Variants in DIRAS3 observed in about 807,000 individuals in gnomAD.
DIRAS3 encodes the protein DIRAS family GTPase 3.
For missense variants in DIRAS3, 248 were observed against 300.6 expected (o/e 0.83, Z 1.29); for synonymous variants, 133 against 131.4 (o/e 1.01, Z -0.08).
rs1645678908 is a variant in DIRAS3, at chr1:68,046,931, T to C, written c.367A>G (p.Thr123Ala). ...TAGAAGGCCTTCAGCTCTTCCAGGG[T>C]TTCCTTCTTGGTGACTGAGTAGACC... ...VLVYSVTKKE[T>A]LEELKAFYEL... The change falls in exon 2 of 2, where the codon ACC becomes GCC. Residue 123 changes from threonine to alanine, a missense_variant. Physicochemically the swap from Thr to Ala is moderately conservative, Grantham distance 58 (BLOSUM62 0). Coordinates refer to ENST00000646789, the MANE Select transcript of DIRAS3 (RefSeq NM_004675.5). 4 of 1,614,176 alleles carry C rather than the reference T, an allele frequency of 2.5e-6. No individual in the cohort carries two copies. The Admixed American group carries it at 5.0e-5, about 20-fold the overall frequency.
At position 68,050,229 on chromosome 1, in the gene DIRAS3, ATTAC is replaced by A. The variant is rs1005229485; in HGVS notation, c.-66+315_-66+318del. On this transcript the variant is annotated intron_variant, in intron 1 of 1. Transcript: ENST00000646789. The surrounding 1 kb of genome is among the most constrained non-coding windows in gnomAD (Gnocchi z 4.5). ...TACTTTCACACTACATGACTCCACTATTACTTCCTGAACACTAGCTACCTACGCA... is the reference window on the plus strand; with the variant it reads ...TACTTTCACACTACATGACTCCACTATTCCTGAACACTAGCTACCTACGCA... Among the ~76,000 whole-genome samples the A allele has an allele frequency of 4.6e-5, 7 of 152,234 alleles. No individual in the cohort carries two copies. The highest frequency in any genetic ancestry group is 1.4e-4 in the African/African-American group (6 of 41,550).
intron 1 of DIRAS3, among the ~76,000 whole-genome samples, chr1:68,048,866 A>G (rs1316833208): frequency 6.6e-6 from 1 of 151,352 alleles, no homozygotes; most frequent in Non-Finnish European, 1.5e-5. Context: ...CAGCCTCCCG[A>G]GTAGCTGGGA....
At position 68,046,843 on chromosome 1, in the gene DIRAS3, T is replaced by G; in HGVS notation, c.455A>C (p.Asn152Thr). ...LHKFPIVLVG[N>T]KSDDTHREVA... ...CTCCCGGTGGGTGTCATCACTTTTA[T>G]TGCCCACCAGCACGATGGGGAACTT... The change falls in exon 2 of 2, where the codon AAT becomes ACT. Residue 152 changes from asparagine to threonine, a missense_variant. Transcript: ENST00000646789. 2 of 1,614,198 alleles carry G rather than the reference T, an allele frequency of 1.2e-6. No homozygotes were observed. The highest frequency in any genetic ancestry group is 1.7e-6 in the Non-Finnish European group (2 of 1,180,048).
Position 68,046,494 on chromosome 1 carries a change from T to C in DIRAS3, c.*114A>G. ...AAGGTATACGTATTGACAACATGGATGTTACAGTCCAAACAACAGCACAAA... is the reference window on the plus strand; with the variant it reads ...AAGGTATACGTATTGACAACATGGACGTTACAGTCCAAACAACAGCACAAA... On this transcript the variant is annotated 3_prime_UTR_variant, in exon 2 of 2. Coordinates refer to ENST00000646789, the MANE Select transcript of DIRAS3 (RefSeq NM_004675.5). The C allele has an allele frequency of 1.0e-6, 1 of 967,434 alleles. No homozygotes were observed. The highest frequency in any genetic ancestry group is 1.5e-6 in the Non-Finnish European group (1 of 645,826). 59.9% of individuals were successfully genotyped at this position (967,434 alleles called of 1,614,324 possible). A position where few individuals can be genotyped will look rare whatever the true frequency, so the allele number is the denominator to read the frequency against.
At chr1:68,049,367 T>C (rs1012170275) in intron 1 of DIRAS3, 2 of 152,318 alleles carry the variant, frequency 1.3e-5, no homozygotes, top group Non-Finnish European at 2.9e-5. Flanking sequence ...TATTAAGTAA[T>C]GACATCAGCT....
intron 1 of DIRAS3, chr1:68,049,867 C>T (rs572196746): frequency 1.4e-4 from 21 of 151,122 alleles, no homozygotes; most frequent in African/African-American, 5.1e-4. Flanking sequence ...CCGTCTCTAT[C>T]AAAAAGAAAA....
At chr1:68,047,853 T>C (rs1406638206) in intron 1 of DIRAS3, among the ~76,000 whole-genome samples, 1 of 149,084 alleles carries the variant, frequency 6.7e-6, no homozygotes, top group Non-Finnish European at 1.5e-5. Context: ...GAGGGGGTTT[T>C]TGGTATCAGT....
intron 1 of DIRAS3, chr1:68,049,866 T>C (rs1295766783): frequency 6.6e-6 from 1 of 151,012 alleles, no homozygotes; most frequent in African/African-American, 2.5e-5. Flanking sequence ...GCCGTCTCTA[T>C]CAAAAAGAAA....
At chr1:68,049,678 TTC>T (rs1308419429) in intron 1 of DIRAS3, 6 of 152,350 alleles carry the variant, frequency 3.9e-5, no homozygotes, top group Admixed American at 2.0e-4. Context: ...TTACTAATTA[TTC>T]TGTTTTACAT....
rs1479730504 is a variant in DIRAS3 at position 68,050,344 on chromosome 1, AAC to A, written c.-66+202_-66+203del. On this transcript the variant is annotated intron_variant, in intron 1 of 1. Transcript: ENST00000646789. The surrounding 1 kb of genome is among the most constrained non-coding windows in gnomAD (Gnocchi z 4.5). ...CTATATTAAAAAGTGCTAGCTTCCC[AAC>A]GGGACTATCCAAAGTGCAGTTGCAG... Among the ~76,000 whole-genome samples, 1 of 152,170 alleles carries A rather than the reference AAC, an allele frequency of 6.6e-6. No individual in the cohort carries two copies. Among genetic ancestry groups the A allele is most frequent in the Non-Finnish European group, 1.5e-5 (1 of 68,036 alleles).
Position 68,045,984 on chromosome 1 carries a change from T to G in DIRAS3, c.*624A>C, listed in dbSNP as rs1180290380. The G allele has an allele frequency of 6.6e-6, 1 of 152,262 alleles. No homozygotes were observed. Among genetic ancestry groups the G allele is most frequent in the African/African-American group, 2.4e-5 (1 of 41,458 alleles). 9.4% of individuals were successfully genotyped at this position (152,262 alleles called of 1,614,324 possible). A position where few individuals can be genotyped will look rare whatever the true frequency, so the allele number is the denominator to read the frequency against. On this transcript the variant is annotated 3_prime_UTR_variant, in exon 2 of 2. Coordinates refer to ENST00000646789, the MANE Select transcript of DIRAS3 (RefSeq NM_004675.5). Reference sequence around the variant, plus strand: ...TGATTGCATGCAGGAAAAGCTTTATTAAGTCAATAAGCTGTTACACTTTTA... The same window carrying G: ...TGATTGCATGCAGGAAAAGCTTTATGAAGTCAATAAGCTGTTACACTTTTA...
In DIRAS3 at chr1:68,050,206, C is replaced by T. The variant is rs1005727209; in HGVS notation, c.-66+342G>A. ...ACCCTCCTCGCCCATTTCAATCTTA[C>T]TTTCACACTACATGACTCCACTATT... On this transcript the variant is annotated intron_variant, in intron 1 of 1. Transcript: ENST00000646789. The surrounding 1 kb of genome is among the most constrained non-coding windows in gnomAD (Gnocchi z 4.5). Among the ~76,000 whole-genome samples, 3 of 152,202 alleles carry T rather than the reference C, an allele frequency of 2.0e-5. No homozygotes were observed. The highest frequency in any genetic ancestry group is 4.4e-5 in the Non-Finnish European group (3 of 68,034).
At chr1:68,049,071 T>A (rs1256176453) in intron 1 of DIRAS3, among the ~76,000 whole-genome samples, 1 of 151,424 alleles carries the variant, frequency 6.6e-6, no homozygotes, top group African/African-American at 2.4e-5. Context: ...AAAAAAAAAA[T>A]GTTGTTGCTG....
At position 68,046,293 on chromosome 1, in the gene DIRAS3, TTTTC is replaced by T. The variant is rs1473217905; in HGVS notation, c.*311_*314del. 2 of 213,570 alleles carry T rather than the reference TTTTC, an allele frequency of 9.4e-6. No individual in the cohort carries two copies. The highest frequency in any genetic ancestry group is 5.2e-5 in the Admixed American group (1 of 19,344). 13.2% of individuals were successfully genotyped at this position (213,570 alleles called of 1,614,324 possible). A position where few individuals can be genotyped will look rare whatever the true frequency, so the allele number is the denominator to read the frequency against. On this transcript the variant is annotated 3_prime_UTR_variant, in exon 2 of 2. Coordinates refer to ENST00000646789, the MANE Select transcript of DIRAS3 (RefSeq NM_004675.5). The stretch of plus-strand genomic sequence containing the variant: ...GGTTACCAAAAGGACGCCTTCCAAT[TTTTC>T]TTTCTATTCATTTTGATGTTTTGTT...
At position 68,046,751 on chromosome 1, in the gene DIRAS3, T is replaced by C; in HGVS notation, c.547A>G (p.Lys183Glu). 6.2e-7 allele frequency: 1 copy of C among 1,614,208 alleles called. No homozygotes were observed. Among genetic ancestry groups the C allele is most frequent in the Non-Finnish European group, 8.5e-7 (1 of 1,180,042 alleles). Residue 183 changes from lysine to glutamate, a missense_variant, in exon 2 of 2, where the codon AAG becomes GAG. Coordinates refer to ENST00000646789, the MANE Select transcript of DIRAS3 (RefSeq NM_004675.5). Reference sequence around the variant, plus strand: ...AGCTCCTGCACATTCACATCGGTCTTGGCTGAAATCTCCATGAAGGCGCAA... The same window carrying C: ...AGCTCCTGCACATTCACATCGGTCTCGGCTGAAATCTCCATGAAGGCGCAA... ...WNCAFMEISA[K>E]TDVNVQELFH...
At chr1:68,047,436 G>A in intron 1 of DIRAS3, 74 bp from the exon 2 acceptor site, 1 of 761,516 alleles carries the variant, frequency 1.3e-6, no homozygotes, top group Non-Finnish European at 2.1e-6. Context: ...AGCCTGGCCA[G>A]CTGCTCCACT....
chr1:68,049,960 ACCC>A (rs576801046), intron 1 of DIRAS3, among the ~76,000 whole-genome samples: 2 of 106,032 alleles, frequency 1.9e-5, no homozygotes, highest in South Asian at 3.3e-4. Context: ...CAGGCAGTGG[ACCC>A]CCCCCCCCAC....
Position 68,046,644 on chromosome 1 carries a change from G to T in DIRAS3, c.654C>A (p.Thr218=). ...TGCACTTGTCAAGCAGCTTCTCAGTGGTGTTGGGCATCTGGGATTTCTTCT... is the reference window on the plus strand; with the variant it reads ...TGCACTTGTCAAGCAGCTTCTCAGTTGTGTTGGGCATCTGGGATTTCTTCT... ...EPEKKSQMPN[T]TEKLLDKCII... The change falls in exon 2 of 2, where the codon ACC becomes ACA. Residue 218 remains threonine, a synonymous_variant. Transcript: ENST00000646789. The T allele has an allele frequency of 6.2e-7, 1 of 1,614,108 alleles. No individual in the cohort carries two copies. The highest frequency in any genetic ancestry group is 8.5e-7 in the Non-Finnish European group (1 of 1,180,032).
rs757340038 is a variant in DIRAS3, at chr1:68,046,090, A to G, written c.*518T>C. ...ATCTTTAGTGAGAGTCACTTTCACAATTTTCTCTGCTCCCACACCCCTAAT... is the reference window on the plus strand; with the variant it reads ...ATCTTTAGTGAGAGTCACTTTCACAGTTTTCTCTGCTCCCACACCCCTAAT... On this transcript the variant is annotated 3_prime_UTR_variant, in exon 2 of 2. Coordinates refer to ENST00000646789, the MANE Select transcript of DIRAS3 (RefSeq NM_004675.5). 2.0e-5 allele frequency: 3 copies of G among 153,104 alleles called. No homozygotes were observed. Among genetic ancestry groups the G allele is most frequent in the African/African-American group, 7.2e-5 (3 of 41,432 alleles). 9.5% of individuals were successfully genotyped at this position (153,104 alleles called of 1,614,324 possible).
Sources: allele counts gnomAD v4.1 joint callset (sites outside exome capture counted in the v4.1 genomes callset), GRCh38; gene constraint gnomAD v4.1.1; non-coding constraint Gnocchi (gnomAD v3.1); transcripts MANE v1.5; gene names NCBI Gene and HGNC (gene_info 2026-07-23, HGNC 2026-07-21).